Variants in GGA2 observed in about 807,000 individuals in gnomAD.
The protein encoded by GGA2 is golgi associated, gamma adaptin ear containing, ARF binding protein 2, also known as ADP-ribosylation factor-binding protein GGA2.
In GGA2, 48 loss-of-function variants were observed where a neutral mutation model predicts 79.5. That is an observed-to-expected ratio of 0.60 (90% confidence interval 0.48 to 0.77). GGA2 has a LOEUF of 0.77. Ranked by LOEUF, GGA2 falls within the 30% of genes least tolerant of loss-of-function variation. The pLI is 0.00. For synonymous variants in GGA2, 317 were observed against 302.0 expected, an observed-to-expected ratio of 1.05 and a Z score of -0.51; for missense variants, 770 against 774.0, an observed-to-expected ratio of 0.99 and a Z score of 0.06.
chr16:23,491,730 C>A lies in GGA2; in HGVS notation c.422G>T (p.Trp141Leu), dbSNP rs370050570. Residue 141 changes from tryptophan (W) to leucine (L), a missense_variant, in exon 5 of 17, where the codon TGG becomes TTG. Physicochemically the swap from Trp to Leu is moderately conservative, Grantham distance 61. Coordinates refer to ENST00000309859, the MANE Select transcript of GGA2 (RefSeq NM_015044.4). ...VIEILFSWTVWFPEDIKIRDA... is the reference protein window; with the variant it reads ...VIEILFSWTVLFPEDIKIRDA... ...TCGAATCTTGATGTCTTCCGGAAAC[C>A]AGACTGTCCAACTGAAGAGTATTTC... 4.3e-6 allele frequency: 7 copies of A among 1,612,060 alleles called. No homozygotes were observed. In the African/African-American group the frequency reaches 9.4e-5, roughly 22 times the overall value.
At chr16:23,467,854 C>A (rs1414963431) in intron 16 of GGA2, among the ~76,000 whole-genome samples, 154 bp from the exon 17 acceptor site, 1 of 152,186 alleles carries the variant, frequency 6.6e-6, no homozygotes, top group East Asian at 1.9e-4. Context: ...AGGCACATAT[C>A]CTGGGAACCC....
At position 23,517,419 on chromosome 16, in the gene GGA2, C is replaced by T. The variant is rs1168064662; in HGVS notation, c.61+2168G>A. On this transcript the variant is annotated intron_variant, in intron 2 of 5. Coordinates refer to the GGA2 transcript ENST00000569300. ...TAATTTTTTGTATTTTTAGTAGAGA[C>T]GGGGTTTCACCGTTTTAGCCGGGAT... 7.7e-5 allele frequency among the ~76,000 whole-genome samples: 2 copies of T among 25,824 alleles called. 1 individual carries two copies. Among genetic ancestry groups the T allele is most frequent in the East Asian group, 1.3e-3 (2 of 1,590 alleles). The allele number at this position is 25,824 out of a possible 152,430, so 16.9% of individuals were successfully genotyped here. A position where few individuals can be genotyped will look rare whatever the true frequency, so the allele number is the denominator to read the frequency against.
chr16:23,479,143 G>T lies in GGA2; in HGVS notation c.1130-232C>A. 7 of 577,702 alleles carry T rather than the reference G, an allele frequency of 1.2e-5. No individual in the cohort carries two copies. The Admixed American group carries it at 1.8e-4, about 14-fold the overall frequency. The allele number at this position is 577,702 out of a possible 1,614,324, so 35.8% of individuals were successfully genotyped here. A position where few individuals can be genotyped will look rare whatever the true frequency, so the allele number is the denominator to read the frequency against. ...GGCAGCAGGTATGTGCTCCCCAAGG[G>T]AACCAGCTCACTCTCCTACTCACAA... On this transcript the variant is annotated intron_variant, in intron 11 of 16. Transcript: ENST00000309859.
intron 1 of GGA2, among the ~76,000 whole-genome samples, chr16:23,505,600 C>A (rs1964965964): frequency 6.6e-6 from 1 of 152,170 alleles, no homozygotes; most frequent in African/African-American, 2.4e-5. Context: ...TCCTGATACT[C>A]CTCTGGGAAC....
upstream of GGA2, chr16:23,522,056 C>G: frequency 6.3e-6 from 2 of 319,748 alleles, no homozygotes; most frequent in Non-Finnish European, 1.3e-5. Flanking sequence ...TGGACTAAGG[C>G]ATTTACGAGC....
At chr16:23,490,675 C>T (rs543324355) in intron 5 of GGA2, among the ~76,000 whole-genome samples, 14 of 150,434 alleles carry the variant, frequency 9.3e-5, no homozygotes, top group Admixed American at 2.0e-4. Context: ...GCGGAGGTTG[C>T]AGTGAACAGA....
At chr16:23,474,266 A>G (rs1476074913) in intron 14 of GGA2, among the ~76,000 whole-genome samples, 1 of 152,236 alleles carries the variant, frequency 6.6e-6, no homozygotes, top group Non-Finnish European at 1.5e-5. Flanking sequence ...TTATGTGCCT[A>G]AGTAAGCCTT....
At chr16:23,486,231 A>G in intron 7 of GGA2, 79 bp from the exon 8 acceptor site, 1 of 1,336,188 alleles carries the variant, frequency 7.5e-7, no homozygotes, top group South Asian at 1.2e-5. Context: ...GGAAAGAGTC[A>G]CTATTGAGAG....
In GGA2 at chr16:23,465,446, T is replaced by C. The variant is rs1449396211; in HGVS notation, c.*2144A>G. ...TATCCTGTCCAACACCTAAGCATAG[T>C]AGTACCACTGGGAGTCTGTCTCCTC... On this transcript the variant is annotated 3_prime_UTR_variant, in exon 17 of 17. Coordinates refer to ENST00000309859, the MANE Select transcript of GGA2 (RefSeq NM_015044.4). 5.7e-6 allele frequency: 4 copies of C among 702,424 alleles called. No individual in the cohort carries two copies. Among genetic ancestry groups the C allele is most frequent in the South Asian group, 4.4e-5 (3 of 67,520 alleles). The allele number at this position is 702,424 out of a possible 1,614,324, so 43.5% of individuals were successfully genotyped here. A position where few individuals can be genotyped will look rare whatever the true frequency, so the allele number is the denominator to read the frequency against.
chr16:23,521,991 G>GAA, exon 1 of GGA2: 2 of 294,030 alleles, frequency 6.8e-6, no homozygotes, highest in South Asian at 2.8e-5. Flanking sequence ...ATCTGTAACA[G>GAA]AAAAAAAAAA....
intron 1 of GGA2, among the ~76,000 whole-genome samples, chr16:23,499,444 G>A (rs922952207): frequency 6.6e-5 from 10 of 151,694 alleles, no homozygotes; most frequent in East Asian, 5.8e-4. Flanking sequence ...ACACCCGGCC[G>A]GCACCAGCTT....
chr16:23,508,697 TCTCCCGCAAG>T (rs1453115724), intron 1 of GGA2, among the ~76,000 whole-genome samples: 1 of 151,964 alleles, frequency 6.6e-6, no homozygotes, highest in Non-Finnish European at 1.5e-5. Context: ...TACGCAAGCT[TCTCCCGCAAG>T]CTCACTGCCA....
intron 1 of GGA2, among the ~76,000 whole-genome samples, chr16:23,496,664 T>A (rs1157618783): frequency 6.6e-6 from 1 of 151,884 alleles, no homozygotes. Flanking sequence ...ACTAAAATTT[T>A]AAAAAATTAA....
rs1038861959 is a variant in GGA2, at chr16:23,465,533, C to G, written c.*2057G>C. 40 of 648,152 alleles carry G rather than the reference C, an allele frequency of 6.2e-5. No homozygotes were observed. Among genetic ancestry groups the G allele is most frequent in the Non-Finnish European group, 1.0e-4 (36 of 359,030 alleles). The allele number at this position is 648,152 out of a possible 1,614,324, so 40.2% of individuals were successfully genotyped here. ...ACCTCCTAACTATAGGGGAGAAAGC[C>G]TGTCTTTATGTATAAGTCTCATTCA... On this transcript the variant is annotated 3_prime_UTR_variant, in exon 17 of 17. Transcript: ENST00000309859.
At chr16:23,507,532 G>A (rs906544167) in intron 1 of GGA2, among the ~76,000 whole-genome samples, 2 of 152,206 alleles carry the variant, frequency 1.3e-5, no homozygotes, top group African/African-American at 4.8e-5. Flanking sequence ...GGAGGCTGAG[G>A]CAGGAGAATT....
intron 15 of GGA2, 40 bp from the exon 16 acceptor site, chr16:23,469,036 C>T (rs1305842921): frequency 2.5e-6 from 3 of 1,219,356 alleles, no homozygotes; most frequent in African/African-American, 3.0e-5. Context: ...TCATTCCTAA[C>T]CACAGCTTCT....
Position 23,465,465 on chromosome 16 carries a change from TCTC to T in GGA2, c.*2122_*2124del, listed in dbSNP as rs978293692. Reference sequence around the variant, plus strand: ...GCATAGTAGTACCACTGGGAGTCTGTCTCCTCAAAAGCAAGAATGTTCAGGTAC... The same window carrying T: ...GCATAGTAGTACCACTGGGAGTCTGTCTCAAAAGCAAGAATGTTCAGGTAC... On this transcript the variant is annotated 3_prime_UTR_variant, in exon 17 of 17. Coordinates refer to ENST00000309859, the MANE Select transcript of GGA2 (RefSeq NM_015044.4). 40 of 701,330 alleles carry T rather than the reference TCTC, an allele frequency of 5.7e-5. No homozygotes were observed. The Middle Eastern group carries it at 6.9e-4, about 12-fold the overall frequency. The allele number at this position is 701,330 out of a possible 1,614,324, so 43.4% of individuals were successfully genotyped here. A position where few individuals can be genotyped will look rare whatever the true frequency, so the allele number is the denominator to read the frequency against.
At position 23,510,389 on chromosome 16, in the gene GGA2, G is replaced by A. The variant is rs1453640906; in HGVS notation, c.23C>T (p.Ala8Val). 2 of 1,397,924 alleles carry A rather than the reference G, an allele frequency of 1.4e-6. No individual in the cohort carries two copies. The highest frequency in any genetic ancestry group is 1.9e-6 in the Non-Finnish European group (2 of 1,073,596). 86.6% of individuals were successfully genotyped at this position (1,397,924 alleles called of 1,614,324 possible). A position where few individuals can be genotyped will look rare whatever the true frequency, so the allele number is the denominator to read the frequency against. Residue 8 changes from alanine to valine, a missense_variant, in exon 1 of 17, where the codon GCG becomes GTG. By Grantham distance (64) the Ala-to-Val change is moderately conservative. Transcript: ENST00000309859. Reference protein sequence around the residue: MAATAVAAAVAGTESAQG... With the variant: MAATAVAVAVAGTESAQG... ...GGCCGACTCGGTTCCCGCCACAGCCGCCGCCACCGCGGTCGCCGCCATCGC... is the reference window on the plus strand; with the variant it reads ...GGCCGACTCGGTTCCCGCCACAGCCACCGCCACCGCGGTCGCCGCCATCGC...
At chr16:23,488,799 C>G in intron 5 of GGA2, 90 bp from the exon 6 acceptor site, 1 of 731,360 alleles carries the variant, frequency 1.4e-6, no homozygotes, top group East Asian at 2.5e-5. Flanking sequence ...ACCCCTGGTT[C>G]CTAATACCAT....
Sources: allele counts gnomAD v4.1 joint callset (sites outside exome capture counted in the v4.1 genomes callset), GRCh38; gene constraint gnomAD v4.1.1; transcripts MANE v1.5; gene names NCBI Gene and HGNC (gene_info 2026-07-23, HGNC 2026-07-21).